The following EXOC6B variants were observed in gnomAD, a reference collection of about 807,000 sequenced individuals.
The protein encoded by EXOC6B is exocyst complex component 6B.
Under a neutral mutation model 113.5 loss-of-function variants are expected in EXOC6B, and 54 were observed. The ratio of observed to expected loss-of-function variants is 0.48; its 90% confidence interval spans 0.38 to 0.60. The LOEUF is 0.60. Ranked by LOEUF, EXOC6B falls within the 20% of genes least tolerant of loss-of-function variation. The pLI, the probability that EXOC6B is intolerant of heterozygous loss-of-function variation, is 0.00. For synonymous variants in EXOC6B, 357 were observed against 339.0 expected (o/e 1.05, Z -0.58); for missense variants, 797 against 977.5 (o/e 0.82, Z 2.46).
intron 20 of EXOC6B, among the ~76,000 whole-genome samples, chr2:72,314,501 CAT>C (rs1448578093): frequency 1.3e-5 from 2 of 152,294 alleles, no homozygotes; most frequent in African/African-American, 4.8e-5. Context: ...GCACCTGGCT[CAT>C]AGTTTTTCTC....
At chr2:72,580,793 C>T (rs946913284) in intron 6 of EXOC6B, among the ~76,000 whole-genome samples, 2 of 152,290 alleles carry the variant, frequency 1.3e-5, no homozygotes, top group African/African-American at 4.8e-5. Context: ...ACTCAGCACT[C>T]CTGCAGCACA....
At chr2:72,778,619 G>C (rs1036980727) in intron 1 of EXOC6B, among the ~76,000 whole-genome samples, 19 of 152,214 alleles carry the variant, frequency 1.2e-4, no homozygotes, top group African/African-American at 4.1e-4. Context: ...GCCTATTTGT[G>C]CCAAACAGTT....
chr2:72,283,861 C>G (rs889875302), intron 20 of EXOC6B, among the ~76,000 whole-genome samples: 1 of 151,942 alleles, frequency 6.6e-6, no homozygotes, highest in Admixed American at 6.6e-5. Context: ...CAACTTTTTG[C>G]CCACAAATTT....
At chr2:72,449,125 A>C (rs988928837) in intron 18 of EXOC6B, among the ~76,000 whole-genome samples, 7 of 152,214 alleles carry the variant, frequency 4.6e-5, no homozygotes, top group Non-Finnish European at 7.3e-5. Flanking sequence ...ATTTGTTTTA[A>C]GCACTCTACT....
chr2:72,262,640 G>A (rs755140652), intron 20 of EXOC6B, among the ~76,000 whole-genome samples: 3 of 152,136 alleles, frequency 2.0e-5, no homozygotes, highest in Non-Finnish European at 4.4e-5. Context: ...GCAGAATGAA[G>A]CAACGTATAT....
In EXOC6B at chr2:72,499,931, G is replaced by T. The variant is rs373013411; in HGVS notation, c.1209C>A (p.Asn403Lys). Reference protein sequence around the residue: ...SDPNLVLDLKNLIVLFADTLQ... With the variant: ...SDPNLVLDLKKLIVLFADTLQ... ...GTGTGTCAGCAAAAAGCACAATGAG[G>T]TTCTTCAAATCTAACACAAGGTTTG... Residue 403 changes from asparagine to lysine, a missense_variant, in exon 12 of 22, where the codon AAC becomes AAA. Physicochemically the swap from Asn to Lys is moderately conservative, Grantham distance 94. Transcript: ENST00000272427. 1 of 1,553,512 alleles carries T rather than the reference G, an allele frequency of 6.4e-7. No homozygotes were observed. The highest frequency in any genetic ancestry group is 8.7e-7 in the Non-Finnish European group (1 of 1,147,682).
At position 72,666,780 on chromosome 2, in the gene EXOC6B, GACACACACACAC is replaced by G. The variant is rs71404724; in HGVS notation, c.669+51311_669+51322del. On this transcript the variant is annotated intron_variant, in intron 6 of 21. Transcript: ENST00000272427. ...CAAGAATGCAATCCCATTTACAATA[GACACACACACAC>G]ACACACACACACACACACACACACA... Among the ~76,000 whole-genome samples the G allele has an allele frequency of 5.0e-4, 41 of 81,240 alleles. 1 individual carries two copies. Among genetic ancestry groups the G allele is most frequent in the African/African-American group, 1.0e-3 (36 of 35,460 alleles). The allele number at this position is 81,240 out of a possible 152,430, so 53.3% of individuals were successfully genotyped here.
chr2:72,788,193 T>C (rs1041034935), intron 1 of EXOC6B, among the ~76,000 whole-genome samples: 1 of 152,228 alleles, frequency 6.6e-6, no homozygotes, highest in Non-Finnish European at 1.5e-5. Context: ...ATCTGCCTCA[T>C]AGGGTTGTTG....
chr2:72,663,975 A>T (rs969625521), intron 6 of EXOC6B, among the ~76,000 whole-genome samples: 3 of 152,156 alleles, frequency 2.0e-5, no homozygotes, highest in African/African-American at 7.2e-5. Flanking sequence ...AGAACTCTGT[A>T]CTTTCCCTTC....
At chr2:72,547,732 G>A (rs1044766659) in intron 8 of EXOC6B, among the ~76,000 whole-genome samples, 12 of 152,202 alleles carry the variant, frequency 7.9e-5, no homozygotes, top group Middle Eastern at 3.4e-3. Context: ...GATTAGGGCC[G>A]ACTGAATCAA....
intron 18 of EXOC6B, among the ~76,000 whole-genome samples, chr2:72,432,692 T>C (rs746828685): frequency 1.3e-5 from 2 of 152,244 alleles, no homozygotes; most frequent in Admixed American, 6.5e-5. Context: ...ATGAGCCTTT[T>C]TTCATGTTTC....
chr2:72,371,876 G>A (rs1382544250), intron 19 of EXOC6B, among the ~76,000 whole-genome samples: 3 of 152,038 alleles, frequency 2.0e-5, no homozygotes, highest in African/African-American at 7.2e-5. Flanking sequence ...ACTCGAAAAG[G>A]AAGAGGTCAA....
chr2:72,509,345 C>T (rs1173011170), intron 11 of EXOC6B, among the ~76,000 whole-genome samples: 1 of 152,078 alleles, frequency 6.6e-6, no homozygotes. Flanking sequence ...TTACAGTAGC[C>T]TGAGCCCACT....
At chr2:72,515,600 T>C (rs1701170191) in intron 8 of EXOC6B, 1 of 997,304 alleles carries the variant, frequency 1.0e-6, no homozygotes, top group Non-Finnish European at 1.2e-6. Context: ...CCCCCTTAGG[T>C]TATAATCCAG....
intron 2 of EXOC6B, among the ~76,000 whole-genome samples, chr2:72,735,081 G>A (rs548539569): frequency 4.2e-4 from 64 of 152,164 alleles, no homozygotes; most frequent in African/African-American, 1.5e-3. Flanking sequence ...AAAATCATAC[G>A]GGCTTCCTTG....
chr2:72,247,483 TAA>T (rs933656355), intron 20 of EXOC6B, among the ~76,000 whole-genome samples: 1 of 152,212 alleles, frequency 6.6e-6, no homozygotes, highest in African/African-American at 2.4e-5. Context: ...TTAGTGCTTT[TAA>T]AAAAGTTTCT....
chr2:72,294,489 G>T (rs974729743), intron 20 of EXOC6B, among the ~76,000 whole-genome samples: 11 of 151,936 alleles, frequency 7.2e-5, no homozygotes, highest in Non-Finnish European at 1.5e-4. Context: ...TCTCATTATG[G>T]GTTGCCCAGG....
At chr2:72,380,511 G>A (rs1277625606) in intron 18 of EXOC6B, among the ~76,000 whole-genome samples, 1 of 151,974 alleles carries the variant, frequency 6.6e-6, no homozygotes, top group Non-Finnish European at 1.5e-5. Flanking sequence ...GTGGTGGCAG[G>A]CGCCTGTAGT....
intron 18 of EXOC6B, among the ~76,000 whole-genome samples, chr2:72,407,200 C>A (rs970813319): frequency 6.6e-6 from 1 of 152,030 alleles, no homozygotes; most frequent in Non-Finnish European, 1.5e-5. Context: ...CAATAACAGG[C>A]TCTGAAATTG....
Sources: allele counts gnomAD v4.1 joint callset (sites outside exome capture counted in the v4.1 genomes callset), GRCh38; gene constraint gnomAD v4.1.1; transcripts MANE v1.5; gene names NCBI Gene and HGNC (gene_info 2026-07-23, HGNC 2026-07-21).